Variants in PTPRD observed in about 807,000 individuals in gnomAD.
PTPRD encodes the protein protein tyrosine phosphatase receptor type D, also known as receptor-type tyrosine-protein phosphatase delta.
Under a neutral mutation model 214.5 loss-of-function variants are expected in PTPRD, and 34 were observed. The observed-to-expected ratio is 0.16, with a 90% CI of 0.12 to 0.21. The LOEUF (loss-of-function observed/expected upper bound fraction) is 0.21. Among genes scored for constraint, PTPRD ranks in the 10% least tolerant of loss-of-function variants. The pLI, the probability that PTPRD is intolerant of heterozygous loss-of-function variation, is 1.00. For missense variants in PTPRD, 2,545 were observed against 2,398.7 expected (o/e 1.06, Z -1.27); for synonymous variants, 1,128 against 845.7 (o/e 1.33, Z -5.79).
intron 8 of PTPRD, among the ~76,000 whole-genome samples, chr9:9,527,491 A>G (rs1051247325): frequency 1.3e-5 from 2 of 152,184 alleles, no homozygotes; most frequent in African/African-American, 2.4e-5. Context: ...AAAAATTGTA[A>G]TCAAAAATTT....
intron 5 of PTPRD, among the ~76,000 whole-genome samples, chr9:9,937,246 A>T (rs2153955698): frequency 6.6e-6 from 1 of 151,612 alleles, no homozygotes; most frequent in East Asian, 1.9e-4. Flanking sequence ...AATAAAAAAT[A>T]AAAAATAAAA....
intron 2 of PTPRD, among the ~76,000 whole-genome samples, chr9:10,397,336 T>G (rs1163965590): frequency 2.0e-5 from 3 of 151,996 alleles, no homozygotes; most frequent in Admixed American, 2.0e-4. Context: ...TTAAACAACA[T>G]GTAAGTGTCC....
In PTPRD at chr9:8,713,672, C is replaced by G. The variant is rs2098395303; in HGVS notation, c.64+20108G>C. 5 of 1,508,516 alleles carry G rather than the reference C, an allele frequency of 3.3e-6. No individual in the cohort carries two copies. In the South Asian group the frequency reaches 5.6e-5, roughly 17 times the overall value. 93.4% of individuals were successfully genotyped at this position (1,508,516 alleles called of 1,614,324 possible). Reference sequence around the variant, plus strand: ...ATGGGCGCCCGGCACCGCGCCCGGGCCCACTCCATTCAGATCATGATGGTG... The same window carrying G: ...ATGGGCGCCCGGCACCGCGCCCGGGGCCACTCCATTCAGATCATGATGGTG... On this transcript the variant is annotated intron_variant, in intron 12 of 45. Coordinates refer to ENST00000381196, the MANE Select transcript of PTPRD (RefSeq NM_002839.4).
intron 2 of PTPRD, among the ~76,000 whole-genome samples, chr9:10,496,711 G>A (rs1472585202): frequency 6.6e-6 from 1 of 151,968 alleles, no homozygotes; most frequent in Non-Finnish European, 1.5e-5. Context: ...AATTAGTGAT[G>A]TTGAGCATTT....
chr9:9,274,502 G>A (rs1230404926), intron 9 of PTPRD, among the ~76,000 whole-genome samples: 2 of 151,238 alleles, frequency 1.3e-5, no homozygotes, highest in African/African-American at 4.8e-5. Flanking sequence ...CCAAGGATGA[G>A]TCTCATTTAT....
chr9:8,494,333 T>A (rs1429943423), intron 26 of PTPRD, among the ~76,000 whole-genome samples: 1 of 152,208 alleles, frequency 6.6e-6, no homozygotes, highest in African/African-American at 2.4e-5. Flanking sequence ...GATATCATCC[T>A]GAAGAGTCAC....
intron 10 of PTPRD, among the ~76,000 whole-genome samples, chr9:9,063,286 T>C (rs904304293): frequency 1.1e-4 from 16 of 152,308 alleles, no homozygotes; most frequent in African/African-American, 3.8e-4. Flanking sequence ...TGTAATTCTG[T>C]AGTTCATGCT....
intron 4 of PTPRD, among the ~76,000 whole-genome samples, chr9:9,974,240 C>T (rs2095267335): frequency 6.6e-6 from 1 of 152,104 alleles, no homozygotes; most frequent in Admixed American, 6.5e-5. Flanking sequence ...TTTTAAACTG[C>T]TTAACTCTCC....
At chr9:9,090,067 G>A (rs574617266) in intron 10 of PTPRD, among the ~76,000 whole-genome samples, 6 of 152,170 alleles carry the variant, frequency 3.9e-5, no homozygotes, top group African/African-American at 1.4e-4. Flanking sequence ...TTTGCATTGG[G>A]AACATTTTAA....
At chr9:8,791,028 A>T (rs190139573) in intron 11 of PTPRD, among the ~76,000 whole-genome samples, 3 of 152,272 alleles carry the variant, frequency 2.0e-5, no homozygotes, top group Admixed American at 2.0e-4. Context: ...CTCACACCAT[A>T]TTTGAAGCTG....
chr9:9,242,305 A>C (rs1459308267), intron 9 of PTPRD, among the ~76,000 whole-genome samples: 1 of 152,088 alleles, frequency 6.6e-6, no homozygotes, highest in African/African-American at 2.4e-5. Context: ...ACTTTGGTGA[A>C]TCTGACAATT....
intron 5 of PTPRD, among the ~76,000 whole-genome samples, chr9:9,880,216 C>T (rs560439672): frequency 1.3e-5 from 2 of 152,192 alleles, no homozygotes; most frequent in South Asian, 4.1e-4. Flanking sequence ...GCCTGCTTCC[C>T]CTTCCGCCAT....
intron 4 of PTPRD, among the ~76,000 whole-genome samples, chr9:10,017,962 C>T (rs1286931773): frequency 2.0e-5 from 3 of 152,124 alleles, no homozygotes; most frequent in African/African-American, 7.2e-5. Context: ...AGATCTCCCC[C>T]ATGGTACATT....
intron 5 of PTPRD, among the ~76,000 whole-genome samples, chr9:9,924,174 C>T (rs1039504554): frequency 1.3e-5 from 2 of 151,996 alleles, no homozygotes; most frequent in South Asian, 4.2e-4. Context: ...GGAAAAGAGT[C>T]CTGTAATTGG....
intron 8 of PTPRD, among the ~76,000 whole-genome samples, chr9:9,529,371 A>G (rs1162083800): frequency 1.3e-5 from 2 of 152,172 alleles, no homozygotes; most frequent in Non-Finnish European, 2.9e-5. Flanking sequence ...GGCTGGGTGA[A>G]ATATTTGTAA....
intron 3 of PTPRD, among the ~76,000 whole-genome samples, chr9:10,132,424 C>T (rs551895588): frequency 1.3e-5 from 2 of 152,206 alleles, no homozygotes; most frequent in South Asian, 4.1e-4. Context: ...ATTTAACAAA[C>T]ACCTGCCATA....
In PTPRD at chr9:9,301,063, C is replaced by T. The variant is rs569720471; in HGVS notation, c.-203+96386G>A. 2.0e-5 allele frequency among the ~76,000 whole-genome samples: 3 copies of T among 151,846 alleles called. No individual in the cohort carries two copies. The East Asian group carries it at 5.8e-4, about 30-fold the overall frequency. On this transcript the variant is annotated intron_variant, in intron 9 of 45. Transcript: ENST00000381196. ...TTCAGTATCTGGCACAAAGCAGGCACTCAATAAACACAGAAGTCTTTCATA... is the reference window on the plus strand; with the variant it reads ...TTCAGTATCTGGCACAAAGCAGGCATTCAATAAACACAGAAGTCTTTCATA...
intron 3 of PTPRD, among the ~76,000 whole-genome samples, chr9:10,176,966 C>T (rs910625099): frequency 6.6e-6 from 1 of 151,882 alleles, no homozygotes; most frequent in Non-Finnish European, 1.5e-5. Flanking sequence ...CTCTCTTATA[C>T]AGTGTTGTTG....
At chr9:10,525,492 C>T (rs951913952) in intron 2 of PTPRD, among the ~76,000 whole-genome samples, 1 of 152,034 alleles carries the variant, frequency 6.6e-6, no homozygotes, top group East Asian at 1.9e-4. Context: ...GATTTCAGGG[C>T]ACAACCTAAA....
Sources: allele counts gnomAD v4.1 joint callset (sites outside exome capture counted in the v4.1 genomes callset), GRCh38; gene constraint gnomAD v4.1.1; transcripts MANE v1.5; gene names NCBI Gene and HGNC (gene_info 2026-07-23, HGNC 2026-07-21).